Variants in ZNF512B observed in about 807,000 individuals in gnomAD.
ZNF512B encodes the protein zinc finger protein 512B.
In ZNF512B, 22 loss-of-function variants were observed where a neutral mutation model predicts 87.8. The observed-to-expected ratio is 0.25, with a 90% CI of 0.18 to 0.36. The LOEUF is 0.36. ZNF512B is among the 10% of genes least tolerant of loss of function. ZNF512B has a pLI of 1.00. For synonymous variants in ZNF512B, 524 were observed against 490.9 expected, an observed-to-expected ratio of 1.07 and a Z score of -0.89; for missense variants, 1,060 against 1,231.6, an observed-to-expected ratio of 0.86 and a Z score of 2.09.
intron 2 of ZNF512B, 26 bp from the exon 3 acceptor site, chr20:63,967,549 C>G (rs200075754): frequency 6.4e-7 from 1 of 1,570,700 alleles, no homozygotes; most frequent in African/African-American, 1.4e-5. Flanking sequence ...CAGCAAGGCT[C>G]GGAAGCTGTG....
At chr20:63,967,573 C>A (rs755483947) in intron 2 of ZNF512B, 50 bp from the exon 3 acceptor site, 2 of 1,537,594 alleles carry the variant, frequency 1.3e-6, no homozygotes, top group South Asian at 1.2e-5. Flanking sequence ...CACCGCCTAC[C>A]ACCGGCGGCT....
rs543151836 is a variant in ZNF512B at position 63,961,604 on chromosome 20, G to T, written c.2329-197C>A. 1.3e-5 allele frequency among the ~76,000 whole-genome samples: 2 copies of T among 152,282 alleles called. No homozygotes were observed. Among genetic ancestry groups the T allele is most frequent in the South Asian group, 4.1e-4 (2 of 4,828 alleles). On this transcript the variant is annotated intron_variant, in intron 15 of 16. Coordinates refer to ENST00000369888, the MANE Select transcript of ZNF512B (RefSeq NM_020713.3). The surrounding 1 kb of genome is among the most constrained non-coding windows in gnomAD (Gnocchi z 6.4). ...GGAGAGGAAGGGTAGGGAGAGGCAGGTGCCCAGGGGAAGAGTTGCAGACCT... is the reference window on the plus strand; with the variant it reads ...GGAGAGGAAGGGTAGGGAGAGGCAGTTGCCCAGGGGAAGAGTTGCAGACCT...
chr20:63,960,177 G>A (rs774687297), intron 16 of ZNF512B, 38 bp from the exon 17 acceptor site: 2 of 1,608,824 alleles, frequency 1.2e-6, no homozygotes, highest in Non-Finnish European at 1.7e-6. Context: ...CCTGGGACTG[G>A]ATGCTGAGCA....
At position 63,962,787 on chromosome 20, in the gene ZNF512B, G is replaced by C. The variant is rs773564195; in HGVS notation, c.1969-6C>G. ...TCTGTGGGCTCCTCAGGGGGCTGGA[G>C]GGCAGGAAGGCATGGAGGCTAGAGT... On this transcript the variant is annotated splice_region_variant and splice_polypyrimidine_tract_variant and intron_variant, in intron 12 of 16. Coordinates refer to ENST00000369888, the MANE Select transcript of ZNF512B (RefSeq NM_020713.3). The C allele has an allele frequency of 1.9e-6, 3 of 1,589,492 alleles. No homozygotes were observed. In the African/African-American group the frequency reaches 4.0e-5, roughly 21 times the overall value.
At chr20:63,968,713 C>G (rs1164975270) in intron 1 of ZNF512B, among the ~76,000 whole-genome samples, 7 of 152,252 alleles carry the variant, frequency 4.6e-5, no homozygotes, top group African/African-American at 1.4e-4. Flanking sequence ...CTCTCTGGAT[C>G]CTCTCAGTCC....
In ZNF512B at chr20:63,965,843, C is replaced by T. The variant is rs537506698; in HGVS notation, c.1034+298G>A. ...CGAGCCCCCATACCTTTTCTTACCA[C>T]TGTTCCCCGACCTGGGACGAGCCCC... On this transcript the variant is annotated intron_variant, in intron 5 of 16. Coordinates refer to ENST00000369888, the MANE Select transcript of ZNF512B (RefSeq NM_020713.3). Among the ~76,000 whole-genome samples, 3 of 30,100 alleles carry T rather than the reference C, an allele frequency of 1.0e-4. 1 individual carries two copies. The highest frequency in any genetic ancestry group is 2.4e-4 in the Admixed American group (1 of 4,194). 19.7% of individuals were successfully genotyped at this position (30,100 alleles called of 152,430 possible).
chr20:63,963,182 G>C lies in ZNF512B; in HGVS notation c.1881C>G (p.Ser627Arg), dbSNP rs1384966559. The change falls in exon 12 of 17, where the codon AGC (serine) becomes AGG (arginine). Residue 627 changes from serine to arginine, a missense_variant. Physicochemically the swap from Ser to Arg is moderately radical, Grantham distance 110 (BLOSUM62 -1). This residue lies in a region of ZNF512B where 165 missense variants were observed against 173.0 expected (regional missense o/e 0.95). Transcript: ENST00000369888. ...CACAGTGGGTGCAGGGGAAGGAGGG[G>C]CTGTCCACCTCGCAGGGCGGCTTCC... ...RCGKPPCEVDSPSFPCTHCGK... is the reference protein window; with the variant it reads ...RCGKPPCEVDRPSFPCTHCGK... The C allele has an allele frequency of 1.9e-6, 3 of 1,548,284 alleles. 1 individual carries two copies. The highest frequency in any genetic ancestry group is 2.4e-5 in the South Asian group (2 of 84,710).
At chr20:63,963,520 G>C in intron 10 of ZNF512B, 80 bp from the exon 11 acceptor site, 2 of 1,581,198 alleles carry the variant, frequency 1.3e-6, no homozygotes, top group Non-Finnish European at 1.7e-6. Flanking sequence ...CAGGTGTTGG[G>C]CCACCGTTGT....
At chr20:63,965,196 G>A (rs1222265589) in intron 5 of ZNF512B, among the ~76,000 whole-genome samples, 2 of 2,856 alleles carry the variant, frequency 7.0e-4, no homozygotes, top group East Asian at 2.8e-3. Flanking sequence ...CCCGACCTGG[G>A]ACGAGCCCCC....
chr20:63,962,040 T>C, intron 14 of ZNF512B, 36 bp from the exon 15 acceptor site: 1 of 1,548,060 alleles, frequency 6.5e-7, no homozygotes, highest in Non-Finnish European at 8.7e-7. Context: ...AGGCCTCTGG[T>C]GGGCACCCCA....
rs1601475264 is a variant in ZNF512B at position 63,962,032 on chromosome 20, G to C, written c.2266-28C>G. ...GCAGGGAAGGGAGCCGTGGGCGAAG[G>C]CCTCTGGTGGGCACCCCACACCAAG... On this transcript the variant is annotated intron_variant, in intron 14 of 16. Coordinates refer to ENST00000369888, the MANE Select transcript of ZNF512B (RefSeq NM_020713.3). The C allele has an allele frequency of 6.5e-6, 10 of 1,549,682 alleles. No homozygotes were observed. In the East Asian group the frequency reaches 2.0e-4, roughly 30 times the overall value.
chr20:63,966,422 G>A lies in ZNF512B; in HGVS notation c.753C>T (p.Ala251=). The A allele has an allele frequency of 1.2e-6, 2 of 1,614,026 alleles. No homozygotes were observed. Among genetic ancestry groups the A allele is most frequent in the Non-Finnish European group, 1.7e-6 (2 of 1,180,026 alleles). Reference sequence around the variant, plus strand: ...CTGTGATGGGTTTGGTGACCGGCATGGCCTTGGTGACGGGCATGGGCCTGC... The same window carrying A: ...CTGTGATGGGTTTGGTGACCGGCATAGCCTTGGTGACGGGCATGGGCCTGC... The part of the protein sequence containing the change: ...TVSRPMPVTK[A]MPVTKPITVT... Residue 251 remains alanine (A), a synonymous_variant, in exon 5 of 17, where the codon GCC becomes GCT. Coordinates refer to ENST00000369888, the MANE Select transcript of ZNF512B (RefSeq NM_020713.3).
At chr20:63,968,069 C>T in intron 1 of ZNF512B, 117 bp from the exon 2 acceptor site, 1 of 1,322,986 alleles carries the variant, frequency 7.6e-7, no homozygotes, top group Non-Finnish European at 1.0e-6. Flanking sequence ...GAGGGGCCTG[C>T]CTTCCTGTGG....
intron 16 of ZNF512B, among the ~76,000 whole-genome samples, chr20:63,960,889 G>A (rs559979888): frequency 1.4e-5 from 2 of 145,392 alleles, no homozygotes; most frequent in Admixed American, 6.8e-5. Context: ...ACCTGCAGCA[G>A]GGGGCTGGAC....
Position 63,964,183 on chromosome 20 carries a change from G to A in ZNF512B, c.1368C>T (p.His456=). ...LVKAEDKARV[H]RSKKQEGPGP... ...CTGGCCCCTCCTGCTTCTTGGAGCG[G>A]TGAACTCGGGCCTTGTCCTCAGCTT... Residue 456 remains histidine (H), a synonymous_variant, in exon 8 of 17, where the codon CAC becomes CAT. Coordinates refer to ENST00000369888, the MANE Select transcript of ZNF512B (RefSeq NM_020713.3). 6.3e-7 allele frequency: 1 copy of A among 1,598,382 alleles called. No homozygotes were observed. The highest frequency in any genetic ancestry group is 8.5e-7 in the Non-Finnish European group (1 of 1,173,144).
chr20:63,962,484 C>A, intron 13 of ZNF512B, 103 bp downstream of exon 13: 1 of 1,548,142 alleles, frequency 6.5e-7, no homozygotes, highest in African/African-American at 1.4e-5. Context: ...GCGGGGGCAG[C>A]GGGTGGCCCA....
In ZNF512B at chr20:63,961,486, G is replaced by A. The variant is rs2058850371; in HGVS notation, c.2329-79C>T. ...CTAAGCCCCTACTCATGGCTAAAGG[G>A]TCAGAGTCAGCGGTGGCCCAAGGAA... On this transcript the variant is annotated intron_variant, in intron 15 of 16. Transcript: ENST00000369888. This position sits in a 1 kb window ranked among gnomAD's most constrained non-coding sequence, Gnocchi z 6.4. 8.7e-6 allele frequency: 12 copies of A among 1,376,148 alleles called. No homozygotes were observed. Among genetic ancestry groups the A allele is most frequent in the Non-Finnish European group, 1.2e-5 (12 of 979,190 alleles). 85.2% of individuals were successfully genotyped at this position (1,376,148 alleles called of 1,614,324 possible).
intron 3 of ZNF512B, among the ~76,000 whole-genome samples, 181 bp downstream of exon 3, chr20:63,967,200 G>A (rs1044732273): frequency 6.6e-6 from 1 of 152,204 alleles, no homozygotes; most frequent in Non-Finnish European, 1.5e-5. Flanking sequence ...CCACCAACGC[G>A]ATCCCCCGAA....
Position 63,964,371 on chromosome 20 carries a change from T to C in ZNF512B, c.1282A>G (p.Lys428Glu). The change falls in exon 7 of 17, where the codon AAA (lysine) becomes GAA (glutamate). Residue 428 changes from lysine to glutamate, a missense_variant. Around this residue, in one of 9 missense-constraint regions of ZNF512B, gnomAD observed 212 missense variants for 207.6 expected, o/e 1.02. Coordinates refer to ENST00000369888, the MANE Select transcript of ZNF512B (RefSeq NM_020713.3). ...TKHRRKQKTP[K>E]KFTGEQPSIS... The stretch of plus-strand genomic sequence containing the variant: ...GATGGCTGCTCCCCTGTAAACTTTT[T>C]GGGTGTTTTCTGTTTCCTTCCTGAC... 6.2e-7 allele frequency: 1 copy of C among 1,613,830 alleles called. No individual in the cohort carries two copies. Among genetic ancestry groups the C allele is most frequent in the East Asian group, 2.2e-5 (1 of 44,882 alleles).
Sources: gnomAD v4.1 joint callset for allele counts (sites outside exome capture counted in the v4.1 genomes callset) on GRCh38, gnomAD v4.1.1 for gene constraint, gnomAD v4.1.1 regional missense constraint, Gnocchi (gnomAD v3.1) non-coding constraint, MANE v1.5 for transcripts, NCBI Gene and HGNC (gene_info 2026-07-23, HGNC 2026-07-21) for gene names.